Variants in TNIP3 observed in about 807,000 individuals in gnomAD.
The protein encoded by TNIP3 is TNFAIP3 interacting protein 3.
Under a neutral mutation model 54.1 loss-of-function variants are expected in TNIP3, and 34 were observed. That is an observed-to-expected ratio of 0.63 (90% confidence interval 0.48 to 0.84). TNIP3 has a LOEUF of 0.84. Among genes scored for constraint, TNIP3 ranks in the 40% least tolerant of loss-of-function variants. The pLI, the probability that TNIP3 is intolerant of heterozygous loss-of-function variation, is 0.00. For synonymous variants in TNIP3, 134 were observed against 136.8 expected (o/e 0.98, Z 0.14); for missense variants, 366 against 387.6 (o/e 0.94, Z 0.47).
At chr4:121,164,408 G>A, upstream of TNIP3, 1 of 1,117,460 alleles carries the variant, frequency 8.9e-7, no homozygotes. Context: ...GGCAGGCCGT[G>A]ACTAAGACCT....
chr4:121,204,585 C>A (rs1158343027), intron 2 of TNIP3, among the ~76,000 whole-genome samples: 1 of 152,170 alleles, frequency 6.6e-6, no homozygotes, highest in Non-Finnish European at 1.5e-5. Context: ...ACAACTTAAT[C>A]ATTTCTCTAT....
intron 2 of TNIP3, among the ~76,000 whole-genome samples, chr4:121,190,371 A>G (rs898583474): frequency 6.6e-6 from 1 of 152,162 alleles, no homozygotes; most frequent in Non-Finnish European, 1.5e-5. Context: ...TCAGAGCCTC[A>G]CATACTTATT....
chr4:121,149,212 T>G (rs981535726), intron 6 of TNIP3, among the ~76,000 whole-genome samples: 2 of 152,218 alleles, frequency 1.3e-5, no homozygotes, highest in African/African-American at 4.8e-5. Context: ...TCCTTACTCT[T>G]GCTGTCCACT....
chr4:121,152,521 A>C (rs1050982209), intron 5 of TNIP3, among the ~76,000 whole-genome samples: 4 of 152,132 alleles, frequency 2.6e-5, no homozygotes, highest in African/African-American at 9.7e-5. Context: ...CTGGGTCCAG[A>C]ATTGTCTACC....
At chr4:121,149,379 G>A (rs2148804402) in intron 6 of TNIP3, among the ~76,000 whole-genome samples, 1 of 152,322 alleles carries the variant, frequency 6.6e-6, no homozygotes, top group South Asian at 2.1e-4. Flanking sequence ...TGCTCTTATT[G>A]TGCGAAGGCC....
chr4:121,145,783 G>C (rs116719278), intron 7 of TNIP3, among the ~76,000 whole-genome samples: 3,313 of 151,722 alleles, frequency 0.022, 79 homozygotes, highest in Admixed American at 0.035. Context: ...AAAACAGTTT[G>C]TGCAGAGACA....
At chr4:121,198,615 A>G (rs113716689) in intron 2 of TNIP3, among the ~76,000 whole-genome samples, 3 of 152,246 alleles carry the variant, frequency 2.0e-5, no homozygotes, top group African/African-American at 7.2e-5. Context: ...CAAAAACTAT[A>G]GCATTATTTT....
At chr4:121,183,390 C>G (rs1724825916) in intron 2 of TNIP3, among the ~76,000 whole-genome samples, 1 of 152,224 alleles carries the variant, frequency 6.6e-6, no homozygotes, top group Non-Finnish European at 1.5e-5. Flanking sequence ...TTAGGAGAAT[C>G]TAGTCCAGCT....
At chr4:121,146,953 C>A in intron 7 of TNIP3, 96 bp downstream of exon 7, 4 of 1,399,098 alleles carry the variant, frequency 2.9e-6, no homozygotes, top group Non-Finnish European at 3.8e-6. Flanking sequence ...AAAAAAAATT[C>A]AATGTCAATT....
Position 121,161,227 on chromosome 4 carries a change from A to T in TNIP3, c.67-11T>A. Reference sequence around the variant, plus strand: ...TGATGGTTCAGCACACTTAGAAAAAAAAAAAGAGAGAAGATTGAAACAAAG... The same window carrying T: ...TGATGGTTCAGCACACTTAGAAAAATAAAAAGAGAGAAGATTGAAACAAAG... On this transcript the variant is annotated splice_polypyrimidine_tract_variant and intron_variant, in intron 1 of 10. Coordinates refer to ENST00000057513, the MANE Select transcript of TNIP3 (RefSeq NM_024873.6). 6.4e-7 allele frequency: 1 copy of T among 1,553,124 alleles called. No individual in the cohort carries two copies. Among genetic ancestry groups the T allele is most frequent in the Non-Finnish European group, 8.7e-7 (1 of 1,150,960 alleles).
chr4:121,197,398 G>T (rs1257724886), intron 2 of TNIP3, among the ~76,000 whole-genome samples: 1 of 151,822 alleles, frequency 6.6e-6, no homozygotes, highest in African/African-American at 2.4e-5. Context: ...CGTGGTGGCG[G>T]GTGCCTGTAG....
rs552568791 is a variant in TNIP3, at chr4:121,190,558, AG to A, written c.69-7763del. Reference sequence around the variant, plus strand: ...CCTCAGTAAATCCTATTCTGGGAAAAGGGGCTGACAAAGGCTTAACAGTTGA... The same window carrying A: ...CCTCAGTAAATCCTATTCTGGGAAAAGGGCTGACAAAGGCTTAACAGTTGA... On this transcript the variant is annotated intron_variant, in intron 2 of 12. Coordinates refer to the TNIP3 transcript ENST00000507879. Among the ~76,000 whole-genome samples the A allele has an allele frequency of 2.8e-3, 428 of 152,288 alleles. 4 individuals carry two copies. Among genetic ancestry groups the A allele is most frequent in the African/African-American group, 9.8e-3 (408 of 41,560 alleles).
intron 2 of TNIP3, among the ~76,000 whole-genome samples, chr4:121,189,155 G>C (rs1725170921): frequency 1.3e-5 from 2 of 152,206 alleles, no homozygotes; most frequent in South Asian, 4.1e-4. Context: ...GGGGCTAAGT[G>C]ATAGCAAAGC....
intron 1 of TNIP3, among the ~76,000 whole-genome samples, chr4:121,221,759 A>G (rs905741235): frequency 3.3e-5 from 5 of 151,500 alleles, no homozygotes; most frequent in Admixed American, 2.6e-4. Flanking sequence ...AGCTGTAACT[A>G]TTTTTTTTTC....
chr4:121,154,051 T>G (rs1045678688), intron 5 of TNIP3, among the ~76,000 whole-genome samples: 7 of 152,052 alleles, frequency 4.6e-5, no homozygotes, highest in African/African-American at 1.7e-4. Flanking sequence ...ACACTTTTCC[T>G]CTCTCTGACT....
At chr4:121,168,540 A>T, upstream of TNIP3, among the ~76,000 whole-genome samples, 2 of 142,136 alleles carry the variant, frequency 1.4e-5, no homozygotes, top group African/African-American at 2.7e-5. Flanking sequence ...TTTTTTTAAG[A>T]GACAGAGTTA....
chr4:121,156,328 C>A (rs145395009), intron 4 of TNIP3, among the ~76,000 whole-genome samples: 1 of 152,250 alleles, frequency 6.6e-6, no homozygotes, highest in African/African-American at 2.4e-5. Flanking sequence ...TTAAGGTTTC[C>A]TCCCATTTTC....
At chr4:121,172,669 T>C (rs1029514037) in intron 3 of TNIP3, among the ~76,000 whole-genome samples, 2 of 152,240 alleles carry the variant, frequency 1.3e-5, no homozygotes, top group Non-Finnish European at 2.9e-5. Context: ...ATATGCTACA[T>C]CTGGCAACTC....
Position 121,206,538 on chromosome 4 carries a change from T to TTGTGTGTGTGTGTGTGTGTGTGTG in TNIP3, c.68+9876_68+9877insCACACACACACACACACACACACA, listed in dbSNP as rs140121953. On this transcript the variant is annotated intron_variant, in intron 2 of 12. Coordinates refer to the TNIP3 transcript ENST00000507879. ...TGTTGAGATGTTACATTTGTATATATTGTGTGTGTGTTTTATCTTTTCTTT... is the reference window on the plus strand; with the variant it reads ...TGTTGAGATGTTACATTTGTATATATTGTGTGTGTGTGTGTGTGTGTGTGTGTGTGTGTGTTTTATCTTTTCTTT... Among the ~76,000 whole-genome samples the TTGTGTGTGTGTGTGTGTGTGTGTG allele has an allele frequency of 3.3e-3, 502 of 151,582 alleles. 3 individuals carry two copies. Among genetic ancestry groups the TTGTGTGTGTGTGTGTGTGTGTGTG allele is most frequent in the African/African-American group, 0.012 (485 of 41,190 alleles).
Sources: gnomAD v4.1 joint callset for allele counts (sites outside exome capture counted in the v4.1 genomes callset) on GRCh38, gnomAD v4.1.1 for gene constraint, MANE v1.5 for transcripts, NCBI Gene and HGNC (gene_info 2026-07-23, HGNC 2026-07-21) for gene names.